Variants in TMEM114 observed in about 807,000 individuals in gnomAD.
TMEM114 encodes claudin-26.
A neutral mutation model predicts 6.2 loss-of-function variants in TMEM114; 6 were observed. The ratio of observed to expected loss-of-function variants is 0.97; its 90% confidence interval spans 0.53 to 1.91. TMEM114 has a LOEUF of 1.91. Among genes scored for constraint, TMEM114 ranks in the 40% most tolerant of loss-of-function variants. The pLI, the probability that TMEM114 is intolerant of heterozygous loss-of-function variation, is 0.01. For missense variants in TMEM114, 218 were observed against 158.3 expected (o/e 1.38, Z -2.02); for synonymous variants, 104 against 73.0 (o/e 1.42, Z -2.16).
intron 2 of TMEM114, among the ~76,000 whole-genome samples, chr16:8,576,658 A>T (rs944225459): frequency 2.0e-5 from 3 of 152,048 alleles, no homozygotes; most frequent in African/African-American, 7.3e-5. Flanking sequence ...CCTAGAATGT[A>T]GTACATGCTC....
downstream of TMEM114, among the ~76,000 whole-genome samples, chr16:8,537,227 A>C (rs969890730): frequency 6.6e-5 from 10 of 151,822 alleles, no homozygotes; most frequent in Non-Finnish European, 1.0e-4. Flanking sequence ...CAGGCCAGGC[A>C]TGGTGGCTCA....
chr16:8,543,998 T>C (rs1900589554), intron 2 of TMEM114, among the ~76,000 whole-genome samples: 1 of 152,222 alleles, frequency 6.6e-6, no homozygotes, highest in Non-Finnish European at 1.5e-5. Flanking sequence ...ATTTTCCTTT[T>C]TGCCTAGACT....
intron 2 of TMEM114, 89 bp from the exon 3 acceptor site, chr16:8,572,313 G>A: frequency 6.8e-7 from 1 of 1,461,198 alleles, no homozygotes; most frequent in Middle Eastern, 1.7e-4. Flanking sequence ...ACCTACTAGA[G>A]CTGGGGAAAA....
chr16:8,567,326 C>G (rs1033038913), downstream of TMEM114, among the ~76,000 whole-genome samples: 4 of 152,166 alleles, frequency 2.6e-5, no homozygotes, highest in Non-Finnish European at 5.9e-5. Context: ...TGGAGATTTT[C>G]TTGGCCACCC....
rs192707010 is a variant in TMEM114, at chr16:8,546,600, C to G, written n.213-8774G>C. On this transcript the variant is annotated intron_variant and non_coding_transcript_variant, in intron 2 of 2. Coordinates refer to the TMEM114 transcript ENST00000623677. ...CAACAACCCCAGTAACAATCAGTCC[C>G]AAATGCCCAGGGTTCAAATAATAAC... 4.7e-3 allele frequency among the ~76,000 whole-genome samples: 712 copies of G among 152,272 alleles called. 4 individuals carry two copies. Among genetic ancestry groups the G allele is most frequent in the African/African-American group, 0.016 (672 of 41,552 alleles).
chr16:8,547,915 T>C, intron 2 of TMEM114, among the ~76,000 whole-genome samples: 1 of 152,216 alleles, frequency 6.6e-6, no homozygotes, highest in East Asian at 1.9e-4. Context: ...TTGATGGGCC[T>C]GTGGCCTGCT....
chr16:8,532,437 C>A, the TMEM114 span, among the ~76,000 whole-genome samples: 1 of 152,046 alleles, frequency 6.6e-6, no homozygotes, highest in African/African-American at 2.4e-5. Context: ...GTATTATGAT[C>A]GAAATTGGAC....
At chr16:8,537,328 C>G (rs1900390345), downstream of TMEM114, among the ~76,000 whole-genome samples, 1 of 152,046 alleles carries the variant, frequency 6.6e-6, no homozygotes, top group South Asian at 2.1e-4. Flanking sequence ...TCATGAAACC[C>G]CGTCTCTACT....
At chr16:8,529,032 A>C in the TMEM114 span, among the ~76,000 whole-genome samples, 1 of 152,212 alleles carries the variant, frequency 6.6e-6, no homozygotes, top group Non-Finnish European at 1.5e-5. Flanking sequence ...CCTTCCTGCA[A>C]GGTGGGAAAG....
chr16:8,575,838 T>C (rs1370053095), intron 2 of TMEM114, among the ~76,000 whole-genome samples: 1 of 152,208 alleles, frequency 6.6e-6, no homozygotes, highest in Non-Finnish European at 1.5e-5. Context: ...ATAATATGCA[T>C]GAAATCTTGT....
At chr16:8,563,401 ACGAG>A (rs1452348736) in intron 2 of TMEM114, among the ~76,000 whole-genome samples, 5 of 134,686 alleles carry the variant, frequency 3.7e-5, no homozygotes, top group Non-Finnish European at 6.3e-5. Flanking sequence ...GAATGAGTAA[ACGAG>A]TGAGTTAATT....
chr16:8,549,630 T>C (rs1355622333), intron 2 of TMEM114, among the ~76,000 whole-genome samples: 1 of 152,038 alleles, frequency 6.6e-6, no homozygotes, highest in African/African-American at 2.4e-5. Context: ...TTCCTTCGTG[T>C]GTGTGTGTAT....
chr16:8,562,002 AAATGAGTGACTGAATGTGTG>A (rs1901236913), intron 2 of TMEM114, among the ~76,000 whole-genome samples: 15 of 140,128 alleles, frequency 1.1e-4, no homozygotes, highest in Admixed American at 7.1e-5. Context: ...ATGAATGAGT[AAATGAGTGACTGAATGTGTG>A]AGTGAATGAG....
intron 3 of TMEM114, among the ~76,000 whole-genome samples, chr16:8,570,742 T>C (rs1901707752): frequency 6.6e-6 from 1 of 152,160 alleles, no homozygotes; most frequent in Non-Finnish European, 1.5e-5. Context: ...TGGCCCACGG[T>C]GGTTCTCCAC....
chr16:8,560,082 G>A (rs1318866026), intron 2 of TMEM114, among the ~76,000 whole-genome samples: 7 of 152,114 alleles, frequency 4.6e-5, no homozygotes, highest in African/African-American at 1.4e-4. Context: ...CTGCAGCCTC[G>A]ACCTCCTAGG....
chr16:8,541,604 C>T (rs1352496644), intron 2 of TMEM114, among the ~76,000 whole-genome samples: 2 of 152,158 alleles, frequency 1.3e-5, no homozygotes, highest in African/African-American at 4.8e-5. Context: ...ATATATTTGA[C>T]ATTTTGAAAA....
At chr16:8,553,587 G>A (rs747494442) in intron 2 of TMEM114, among the ~76,000 whole-genome samples, 2 of 152,132 alleles carry the variant, frequency 1.3e-5, no homozygotes, top group Admixed American at 6.5e-5. Flanking sequence ...CTGGGTTCAC[G>A]CCATTCTCCT....
At chr16:8,570,060 C>A (rs1901680081) in intron 3 of TMEM114, 55 bp from the exon 4 acceptor site, 1 of 1,454,550 alleles carries the variant, frequency 6.9e-7, no homozygotes, top group Admixed American at 2.1e-5. Context: ...CCCAGCACTC[C>A]CCTCCTCCTC....
intron 2 of TMEM114, among the ~76,000 whole-genome samples, chr16:8,562,623 AGTG>A (rs1567202381): frequency 1.3e-5 from 2 of 151,904 alleles, no homozygotes; most frequent in African/African-American, 4.9e-5. Context: ...TGAGTGAGTG[AGTG>A]AATGAATCAG....
Sources: allele counts gnomAD v4.1 joint callset (sites outside exome capture counted in the v4.1 genomes callset), GRCh38; gene constraint gnomAD v4.1.1; transcripts MANE v1.5; gene names NCBI Gene and HGNC (gene_info 2026-07-23, HGNC 2026-07-21).